EBF2: variants seen among roughly 807,000 people sequenced by gnomAD.
EBF2 encodes transcription factor COE2.
EBF2 carries 21 observed loss-of-function variants against 72.8 expected under a neutral mutation model. That is an observed-to-expected ratio of 0.29 (90% confidence interval 0.20 to 0.42). The LOEUF (loss-of-function observed/expected upper bound fraction) is 0.42, where lower values mean the gene tolerates loss of function less well. Among genes scored for constraint, EBF2 ranks in the 10% least tolerant of loss-of-function variants. The pLI is 1.00. For missense variants in EBF2, 637 were observed against 731.2 expected (o/e 0.87, Z 1.49); for synonymous variants, 299 against 274.2 (o/e 1.09, Z -0.89).
intron 7 of EBF2, among the ~76,000 whole-genome samples, chr8:25,901,634 T>G (rs1400246296): frequency 6.6e-6 from 1 of 152,148 alleles, no homozygotes; most frequent in Admixed American, 6.5e-5. Context: ...CTTCCCAGTC[T>G]CAAGTAGATC....
chr8:25,851,260 A>G (rs1159736423), intron 14 of EBF2, among the ~76,000 whole-genome samples: 1 of 152,206 alleles, frequency 6.6e-6, no homozygotes, highest in Non-Finnish European at 1.5e-5. Flanking sequence ...ATCTTCTCTG[A>G]GAGTGCCATC....
intron 14 of EBF2, among the ~76,000 whole-genome samples, chr8:25,854,245 A>G (rs1802039879): frequency 6.6e-6 from 1 of 151,828 alleles, no homozygotes; most frequent in Admixed American, 6.6e-5. Context: ...CTCCAAAAAA[A>G]AAAAAAAAGC....
intron 6 of EBF2, among the ~76,000 whole-genome samples, chr8:25,915,297 G>T (rs1176526195): frequency 2.0e-5 from 3 of 150,728 alleles, no homozygotes; most frequent in Admixed American, 6.6e-5. Context: ...AAAAAAAAAG[G>T]CTGAACATGT....
At chr8:26,031,911 C>T (rs55661461) in intron 6 of EBF2, 5,637 of 152,234 alleles carry the variant, frequency 0.037, 159 homozygotes, top group Admixed American at 0.064. Context: ...TCAAAAAAGA[C>T]CAGAGCAACC....
At chr8:25,874,743 T>C (rs969884418) in intron 10 of EBF2, among the ~76,000 whole-genome samples, 3 of 152,004 alleles carry the variant, frequency 2.0e-5, no homozygotes, top group African/African-American at 7.2e-5. Context: ...TGGAGTACAG[T>C]AGTGCAATCA....
At chr8:26,025,102 T>C (rs1177546237) in intron 6 of EBF2, among the ~76,000 whole-genome samples, 2 of 152,122 alleles carry the variant, frequency 1.3e-5, no homozygotes, top group Non-Finnish European at 2.9e-5. Context: ...AGGATTTATA[T>C]TGGCAGAGTG....
chr8:25,909,281 C>T (rs974507412), intron 6 of EBF2, among the ~76,000 whole-genome samples: 1 of 152,100 alleles, frequency 6.6e-6, no homozygotes, highest in Non-Finnish European at 1.5e-5. Context: ...TTTCATCAGG[C>T]AACTACGTTA....
At chr8:26,034,731 T>A (rs1417912323) in intron 5 of EBF2, among the ~76,000 whole-genome samples, 1 of 152,178 alleles carries the variant, frequency 6.6e-6, no homozygotes, top group East Asian at 1.9e-4. Context: ...CATGGCTTTT[T>A]AAAAAATCTT....
intron 6 of EBF2, among the ~76,000 whole-genome samples, chr8:25,938,171 A>C (rs1803609771): frequency 6.6e-6 from 1 of 152,058 alleles, no homozygotes; most frequent in Admixed American, 6.6e-5. Flanking sequence ...CCGTCATGGA[A>C]GCGTTAGTGG....
chr8:26,036,489 C>G (rs2117261377), intron 5 of EBF2, among the ~76,000 whole-genome samples: 1 of 152,260 alleles, frequency 6.6e-6, no homozygotes, highest in Non-Finnish European at 1.5e-5. Context: ...GAATTAGCCC[C>G]ATTTGAGCCC....
At position 25,861,074 on chromosome 8, in the gene EBF2, T is replaced by A. The variant is rs372156098; in HGVS notation, c.1317A>T (p.Ser439=). 1.1e-5 allele frequency: 18 copies of A among 1,614,044 alleles called. No individual in the cohort carries two copies. In the African/African-American group the frequency reaches 2.3e-4, roughly 20 times the overall value. ...SYGSQLGVSI[S]ESTQGNNQGY... ...CTTGATTATTTCCTTGTGTTGACTC[T>A]GAGATGCTGACCCCAAGCTGGCTGC... The change falls in exon 13 of 16, where the codon TCA becomes TCT. Residue 439 remains serine, a synonymous_variant. Coordinates refer to ENST00000520164, the MANE Select transcript of EBF2 (RefSeq NM_022659.4).
At chr8:25,872,537 A>T (rs7824277) in intron 10 of EBF2, among the ~76,000 whole-genome samples, 134 of 151,968 alleles carry the variant, frequency 8.8e-4, no homozygotes, top group Non-Finnish European at 1.4e-3. Context: ...GCTTCACTTC[A>T]TCAGATGTGC....
At chr8:25,990,895 G>C (rs1804531648) in intron 6 of EBF2, among the ~76,000 whole-genome samples, 1 of 152,154 alleles carries the variant, frequency 6.6e-6, no homozygotes, top group South Asian at 2.1e-4. Context: ...TGCCAAATTT[G>C]GGTTAGCACA....
chr8:26,040,001 GA>G lies in EBF2; in HGVS notation c.482+26del, dbSNP rs1312752315. 4.3e-6 allele frequency: 7 copies of G among 1,611,128 alleles called. No individual in the cohort carries two copies. The South Asian group carries it at 7.7e-5, about 18-fold the overall frequency. ...GCTGGAGCACCTGCGGGCTCTCCAG[GA>G]AGGCCTGGGAAAAGGCGGCTCTTAC... On this transcript the variant is annotated intron_variant, in intron 5 of 15. Coordinates refer to ENST00000520164, the MANE Select transcript of EBF2 (RefSeq NM_022659.4).
intron 6 of EBF2, among the ~76,000 whole-genome samples, chr8:25,964,016 T>C (rs1254164328): frequency 2.6e-5 from 4 of 152,176 alleles, no homozygotes; most frequent in East Asian, 3.8e-4. Flanking sequence ...ACTGTCTATA[T>C]AGAAGGCTCC....
At chr8:26,034,005 G>T (rs1187123647) in intron 5 of EBF2, among the ~76,000 whole-genome samples, 1 of 152,132 alleles carries the variant, frequency 6.6e-6, no homozygotes, top group African/African-American at 2.4e-5. Flanking sequence ...GTCACTTCCA[G>T]ATTGATATTC....
chr8:26,032,903 A>G, intron 6 of EBF2, 182 bp downstream of exon 6: 1 of 598,238 alleles, frequency 1.7e-6, no homozygotes, highest in South Asian at 2.0e-5. Flanking sequence ...CACGTGTTCC[A>G]AAGGAAGATT....
At chr8:25,909,256 T>C (rs1803087914) in intron 6 of EBF2, among the ~76,000 whole-genome samples, 1 of 152,158 alleles carries the variant, frequency 6.6e-6, no homozygotes, top group Non-Finnish European at 1.5e-5. Context: ...CTGTGCAATT[T>C]TAAAATTGGG....
At chr8:25,850,435 C>T (rs1389500021) in intron 15 of EBF2, among the ~76,000 whole-genome samples, 159 bp downstream of exon 15, 1 of 152,174 alleles carries the variant, frequency 6.6e-6, no homozygotes, top group Non-Finnish European at 1.5e-5. Context: ...TTAGATGGAG[C>T]ACTTGCCTAG....
Sources: allele counts gnomAD v4.1 joint callset (sites outside exome capture counted in the v4.1 genomes callset), GRCh38; gene constraint gnomAD v4.1.1; transcripts MANE v1.5; gene names NCBI Gene and HGNC (gene_info 2026-07-23, HGNC 2026-07-21).